NTNG1: variants seen among roughly 807,000 people sequenced by gnomAD.
NTNG1 encodes the protein netrin-G1.
A neutral mutation model predicts 54.0 loss-of-function variants in NTNG1; 16 were observed. That is an observed-to-expected ratio of 0.30 (90% CI 0.20 to 0.45). The LOEUF (loss-of-function observed/expected upper bound fraction) is 0.45. Ranked by LOEUF, NTNG1 falls within the 20% of genes least tolerant of loss-of-function variation. The probability of loss-of-function intolerance (pLI) is 1.00; values close to 1 mark genes in which losing one functional copy is unlikely to be tolerated. For missense variants in NTNG1, 530 were observed against 678.7 expected (o/e 0.78, Z 2.43); for synonymous variants, 255 against 263.1 (o/e 0.97, Z 0.30).
intron 2 of NTNG1, among the ~76,000 whole-genome samples, chr1:107,296,332 A>G (rs1367085561): frequency 1.3e-5 from 2 of 152,108 alleles, no homozygotes; most frequent in Non-Finnish European, 2.9e-5. Flanking sequence ...CTTACTCAGG[A>G]CCTAGAGGAC....
At chr1:107,451,470 G>A (rs1190084052) in intron 7 of NTNG1, among the ~76,000 whole-genome samples, 1 of 152,078 alleles carries the variant, frequency 6.6e-6, no homozygotes, top group Non-Finnish European at 1.5e-5. Flanking sequence ...CCTCCACAGA[G>A]TAAAGAGACT....
chr1:107,435,132 T>A (rs1478194698), intron 6 of NTNG1, among the ~76,000 whole-genome samples: 2 of 152,152 alleles, frequency 1.3e-5, no homozygotes, highest in Non-Finnish European at 2.9e-5. Flanking sequence ...CTTACTGGCT[T>A]ACAAAACATT....
intron 3 of NTNG1, among the ~76,000 whole-genome samples, chr1:107,363,982 G>A (rs1213985270): frequency 1.3e-5 from 2 of 152,128 alleles, no homozygotes; most frequent in Non-Finnish European, 2.9e-5. Context: ...ATGCTGCACA[G>A]TGCCCAGTGG....
At chr1:107,466,958 A>G (rs2101567363) in intron 7 of NTNG1, among the ~76,000 whole-genome samples, 1 of 152,286 alleles carries the variant, frequency 6.6e-6, no homozygotes, top group Middle Eastern at 3.4e-3. Flanking sequence ...TTCTCACTCA[A>G]ATACCTTTTT....
intron 2 of NTNG1, among the ~76,000 whole-genome samples, chr1:107,279,847 G>C (rs186731666): frequency 6.6e-6 from 1 of 152,040 alleles, no homozygotes; most frequent in South Asian, 2.1e-4. Context: ...CTCGAGTGCA[G>C]GGGTGTGAAC....
intron 3 of NTNG1, among the ~76,000 whole-genome samples, chr1:107,386,777 T>A (rs901624200): frequency 1.3e-5 from 2 of 152,226 alleles, no homozygotes; most frequent in Non-Finnish European, 2.9e-5. Flanking sequence ...GGTCATATGG[T>A]AACTGTATCT....
intron 7 of NTNG1, among the ~76,000 whole-genome samples, chr1:107,479,260 C>A (rs1269949516): frequency 6.6e-6 from 1 of 152,194 alleles, no homozygotes; most frequent in Non-Finnish European, 1.5e-5. Flanking sequence ...CATTGACACA[C>A]AAAGCACTGG....
chr1:107,145,801 T>C (rs567936839), intron 1 of NTNG1, among the ~76,000 whole-genome samples: 1 of 152,228 alleles, frequency 6.6e-6, no homozygotes, highest in African/African-American at 2.4e-5. Flanking sequence ...TTGTCAGTTC[T>C]CTAAATTCGA....
At chr1:107,370,241 A>C (rs1001293124) in intron 3 of NTNG1, among the ~76,000 whole-genome samples, 2 of 100,114 alleles carry the variant, frequency 2.0e-5, no homozygotes, top group Non-Finnish European at 4.1e-5. Context: ...TCAATTTCTT[A>C]AAAAAAAAAA....
chr1:107,276,414 T>C (rs1213772207), intron 2 of NTNG1, among the ~76,000 whole-genome samples: 1 of 152,044 alleles, frequency 6.6e-6, no homozygotes, highest in African/African-American at 2.4e-5. Context: ...TTGCCTCCCC[T>C]CCTGCCTTTG....
Position 107,481,037 on chromosome 1 carries a change from A to G in NTNG1, c.*197A>G. On this transcript the variant is annotated 3_prime_UTR_variant, in exon 8 of 8. Coordinates refer to ENST00000370068, the MANE Select transcript of NTNG1 (RefSeq NM_001113226.3). Reference sequence around the variant, plus strand: ...TCCGAGTCAAGACTGTTAATTTCTGACTCCAGAGGAGTTGGCAGCTGTTGA... The same window carrying G: ...TCCGAGTCAAGACTGTTAATTTCTGGCTCCAGAGGAGTTGGCAGCTGTTGA... 2 of 514,898 alleles carry G rather than the reference A, an allele frequency of 3.9e-6. No individual in the cohort carries two copies. The highest frequency in any genetic ancestry group is 6.9e-6 in the Non-Finnish European group (2 of 288,036). The allele number at this position is 514,898 out of a possible 1,614,324, so 31.9% of individuals were successfully genotyped here. A position where few individuals can be genotyped will look rare whatever the true frequency, so the allele number is the denominator to read the frequency against.
chr1:107,311,696 G>A (rs1476235962), intron 2 of NTNG1, among the ~76,000 whole-genome samples: 3 of 151,814 alleles, frequency 2.0e-5, no homozygotes, highest in Non-Finnish European at 4.4e-5. Flanking sequence ...CTTCTTCCTG[G>A]CTTTTTGTCT....
At chr1:107,361,450 C>T (rs1194362145) in intron 3 of NTNG1, among the ~76,000 whole-genome samples, 3 of 136,896 alleles carry the variant, frequency 2.2e-5, no homozygotes, top group Non-Finnish European at 3.0e-5. Context: ...AGTGCAATGG[C>T]GTGATCTCAG....
At chr1:107,445,066 A>G (rs543034689) in intron 7 of NTNG1, among the ~76,000 whole-genome samples, 2 of 152,290 alleles carry the variant, frequency 1.3e-5, no homozygotes, top group East Asian at 3.9e-4. Context: ...CAGAATAAAT[A>G]TTTCAGTTAA....
At chr1:107,345,912 G>T (rs1669193375) in intron 3 of NTNG1, among the ~76,000 whole-genome samples, 1 of 152,050 alleles carries the variant, frequency 6.6e-6, no homozygotes. Flanking sequence ...AGTTCACTTG[G>T]CATAGATTGT....
intron 5 of NTNG1, among the ~76,000 whole-genome samples, chr1:107,419,607 T>A (rs17530839): frequency 7.1e-6 from 1 of 141,642 alleles, no homozygotes; most frequent in Non-Finnish European, 1.5e-5. Context: ...TGTATTATTT[T>A]GCCTTCTTCC....
intron 2 of NTNG1, among the ~76,000 whole-genome samples, chr1:107,212,283 A>T (rs1320646023): frequency 6.6e-6 from 1 of 152,126 alleles, no homozygotes; most frequent in Non-Finnish European, 1.5e-5. Context: ...TTGAATATCC[A>T]TTGCAATATT....
intron 2 of NTNG1, among the ~76,000 whole-genome samples, chr1:107,276,194 C>T (rs1476324346): frequency 6.6e-6 from 1 of 152,144 alleles, no homozygotes; most frequent in Non-Finnish European, 1.5e-5. Context: ...ACTAAGGAGA[C>T]TCTATTAAAT....
At position 107,367,255 on chromosome 1, in the gene NTNG1, T is replaced by TC. The variant is rs570849992; in HGVS notation, c.888-27899_888-27898insC. 2.8e-3 allele frequency among the ~76,000 whole-genome samples: 428 copies of TC among 152,262 alleles called. 2 individuals carry two copies. The highest frequency in any genetic ancestry group is 0.014 in the Middle Eastern group (4 of 294). On this transcript the variant is annotated intron_variant, in intron 3 of 7. Transcript: ENST00000370068. The stretch of plus-strand genomic sequence containing the variant: ...CTGCCCCAAAGAAGAAGTACAGATC[T>TC]TAATGTTTGCCTGAAATTGATTTTT...
Sources: gnomAD v4.1 joint callset for allele counts (sites outside exome capture counted in the v4.1 genomes callset) on GRCh38, gnomAD v4.1.1 for gene constraint, MANE v1.5 for transcripts, NCBI Gene and HGNC (gene_info 2026-07-23, HGNC 2026-07-21) for gene names.